Variants in DCBLD2 observed in about 807,000 individuals in gnomAD.
DCBLD2 encodes the protein discoidin, CUB and LCCL domain containing 2.
Under a neutral mutation model 86.8 loss-of-function variants are expected in DCBLD2, and 54 were observed. The ratio of observed to expected loss-of-function variants is 0.62; its 90% confidence interval spans 0.50 to 0.78. The LOEUF is 0.78. DCBLD2 is among the 30% of genes least tolerant of loss of function. The pLI is 0.00. For missense variants in DCBLD2, 908 were observed against 954.2 expected (o/e 0.95, Z 0.64); for synonymous variants, 354 against 341.3 (o/e 1.04, Z -0.41).
At chr3:98,802,469 A>G (rs1296395225) in intron 13 of DCBLD2, among the ~76,000 whole-genome samples, 1 of 151,804 alleles carries the variant, frequency 6.6e-6, no homozygotes, top group Non-Finnish European at 1.5e-5. Context: ...TTGTCAGATG[A>G]GTAGATTGCA....
chr3:98,833,520 A>G (rs773649336), intron 3 of DCBLD2, among the ~76,000 whole-genome samples: 1 of 152,148 alleles, frequency 6.6e-6, no homozygotes, highest in Non-Finnish European at 1.5e-5. Flanking sequence ...GGCCATTTGA[A>G]TTGCTGAAGT....
intron 3 of DCBLD2, among the ~76,000 whole-genome samples, chr3:98,838,183 G>A (rs1333377037): frequency 4.9e-3 from 580 of 119,446 alleles, no homozygotes; most frequent in Non-Finnish European, 8.2e-3. Context: ...GGTGGCTGCC[G>A]GGCGGAGACG....
In DCBLD2 at chr3:98,900,963, T is replaced by C. The variant is rs529815481; in HGVS notation, c.205+159A>G. On this transcript the variant is annotated intron_variant, in intron 1 of 15. Transcript: ENST00000326840. ...ACTTGGGGGACAGACGGGCAAGACC[T>C]TGCCTTTGCAACTCAACCCCGTGAG... is the stretch of plus-strand genomic sequence containing the variant. 6 of 1,298,046 alleles carry C rather than the reference T, an allele frequency of 4.6e-6. No individual in the cohort carries two copies. The African/African-American group carries it at 8.9e-5, about 19-fold the overall frequency. The allele number at this position is 1,298,046 out of a possible 1,614,324, so 80.4% of individuals were successfully genotyped here.
intron 2 of DCBLD2, among the ~76,000 whole-genome samples, chr3:98,869,006 A>G (rs1456753403): frequency 6.6e-6 from 1 of 152,174 alleles, no homozygotes; most frequent in Admixed American, 6.5e-5. Context: ...GCTGAACTGA[A>G]TGGTAGATCT....
rs139338212 is a variant in DCBLD2 at position 98,888,545 on chromosome 3, C to T, written c.206-6778G>A. The stretch of plus-strand genomic sequence containing the variant: ...CAAGCTACCAAGGTTAAGATTTAAA[C>T]GACATACCATACGAAAACAACTGGT... On this transcript the variant is annotated intron_variant, in intron 1 of 15. Coordinates refer to ENST00000326840, the MANE Select transcript of DCBLD2 (RefSeq NM_080927.4). 5.3e-4 allele frequency among the ~76,000 whole-genome samples: 81 copies of T among 152,064 alleles called. No homozygotes were observed. In the East Asian group the frequency reaches 0.011, roughly 21 times the overall value.
At position 98,811,255 on chromosome 3, in the gene DCBLD2, T is replaced by C; in HGVS notation, c.1515A>G (p.Thr505=). 2 of 1,612,974 alleles carry C rather than the reference T, an allele frequency of 1.2e-6. No homozygotes were observed. Among genetic ancestry groups the C allele is most frequent in the Non-Finnish European group, 1.7e-6 (2 of 1,179,460 alleles). ...PRSSNEFPAQ[T]EQTTASPDIR... ...TATCAGGACTGGCAGTTGTTTGTTC[T>C]GTCTGTGCAGGAAATTCATTGCTAC... is the stretch of plus-strand genomic sequence containing the variant. The change falls in exon 12 of 16, where the codon ACA becomes ACG. Residue 505 remains threonine, a synonymous_variant. Coordinates refer to ENST00000326840, the MANE Select transcript of DCBLD2 (RefSeq NM_080927.4).
Position 98,849,479 on chromosome 3 carries a change from A to G in DCBLD2, c.553T>C (p.Ser185Pro). 1 of 1,614,006 alleles carries G rather than the reference A, an allele frequency of 6.2e-7. No homozygotes were observed. The highest frequency in any genetic ancestry group is 1.3e-5 in the African/African-American group (1 of 75,076). The change falls in exon 3 of 16, where the codon TCT (serine) becomes CCT (proline). Residue 185 changes from serine to proline, a missense_variant. Physicochemically the swap from Ser to Pro is moderately conservative, Grantham distance 74 (BLOSUM62 -1). Coordinates refer to ENST00000326840, the MANE Select transcript of DCBLD2 (RefSeq NM_080927.4). ...AAATTACCTTGTTTATCTATAACAG[A>G]GTATGAGGCCAAAAATCCGCGTCCA... is the stretch of plus-strand genomic sequence containing the variant. Reference protein sequence around the residue: ...VSGRGFLASYSVIDKQDLITC... With the variant: ...VSGRGFLASYPVIDKQDLITC...
At chr3:98,881,868 A>G in intron 1 of DCBLD2, 101 bp from the exon 2 acceptor site, 2 of 1,112,378 alleles carry the variant, frequency 1.8e-6, no homozygotes, top group East Asian at 2.5e-5. Context: ...GACATCAAAT[A>G]TTTTATACCA....
intron 1 of DCBLD2, among the ~76,000 whole-genome samples, chr3:98,888,469 T>C (rs1943598044): frequency 6.6e-6 from 1 of 152,028 alleles, no homozygotes; most frequent in Admixed American, 6.6e-5. Context: ...AGGTTACTTA[T>C]TGCTGCTAAA....
intron 12 of DCBLD2, 106 bp downstream of exon 12, chr3:98,811,088 C>T: frequency 7.7e-7 from 1 of 1,292,572 alleles, no homozygotes; most frequent in Non-Finnish European, 1.0e-6. Context: ...TACTTAAAAA[C>T]TATAGTTGGA....
chr3:98,862,630 T>A (rs1380813716), intron 2 of DCBLD2, among the ~76,000 whole-genome samples: 5 of 152,168 alleles, frequency 3.3e-5, no homozygotes, highest in African/African-American at 1.2e-4. Flanking sequence ...ACATTGATTA[T>A]CTCAATAGAT....
intron 3 of DCBLD2, among the ~76,000 whole-genome samples, chr3:98,846,845 C>T (rs1272934620): frequency 1.3e-5 from 2 of 151,624 alleles, no homozygotes; most frequent in African/African-American, 4.9e-5. Context: ...GGCCAAAAAG[C>T]CTCATAATTT....
chr3:98,880,642 TAATC>T lies in DCBLD2; in HGVS notation c.433+894_433+897del, dbSNP rs139422994. ...AGCTATAATTGAGAACCACTGCTCT[TAATC>T]AAGAACAACAACAATGGCCACTACC... On this transcript the variant is annotated intron_variant, in intron 2 of 15. Coordinates refer to ENST00000326840, the MANE Select transcript of DCBLD2 (RefSeq NM_080927.4). Among the ~76,000 whole-genome samples, 26 of 152,314 alleles carry T rather than the reference TAATC, an allele frequency of 1.7e-4. No individual in the cohort carries two copies. The East Asian group carries it at 4.8e-3, about 28-fold the overall frequency.
chr3:98,898,766 C>G (rs1943794291), intron 1 of DCBLD2, among the ~76,000 whole-genome samples: 1 of 152,146 alleles, frequency 6.6e-6, no homozygotes, highest in South Asian at 2.1e-4. Context: ...CCACCACGGG[C>G]TGCTTTAGGG....
intron 3 of DCBLD2, among the ~76,000 whole-genome samples, chr3:98,845,229 GA>G (rs560966250): frequency 1.8e-4 from 27 of 152,108 alleles, no homozygotes; most frequent in Middle Eastern, 3.4e-3. Flanking sequence ...GCAGAGGGGG[GA>G]AAAAGCTTTA....
Position 98,901,124 on chromosome 3 carries a change from T to A in DCBLD2, c.203A>T (p.Gln68Leu). Reference protein sequence around the residue: ...LLLLEDAGAQQGDGCGHTVLG... With the variant: ...LLLLEDAGAQLGDGCGHTVLG... ...CTCACTCCCCTGGGACCACTCACCT[T>A]GCTGGGCTCCAGCGTCCTCGAGCAG... is the stretch of plus-strand genomic sequence containing the variant. Residue 68 changes from glutamine (Q) to leucine (L), a missense_variant and splice_region_variant, in exon 1 of 16, where the codon CAA (glutamine) becomes CTA (leucine). By Grantham distance (113) the Gln-to-Leu change is moderately radical. Coordinates refer to ENST00000326840, the MANE Select transcript of DCBLD2 (RefSeq NM_080927.4). The A allele has an allele frequency of 1.3e-6, 2 of 1,539,668 alleles. No individual in the cohort carries two copies. Among genetic ancestry groups the A allele is most frequent in the Non-Finnish European group, 1.7e-6 (2 of 1,146,714 alleles).
chr3:98,870,753 G>GAAAAGAAAGA (rs764876057), intron 2 of DCBLD2, among the ~76,000 whole-genome samples: 2 of 125,734 alleles, frequency 1.6e-5, no homozygotes, highest in Admixed American at 7.7e-5. Flanking sequence ...AAGAAAGAAA[G>GAAAAGAAAGA]AAAGAAAGAA....
chr3:98,830,554 T>A (rs1320950805), intron 3 of DCBLD2, among the ~76,000 whole-genome samples: 1 of 152,222 alleles, frequency 6.6e-6, no homozygotes, highest in Non-Finnish European at 1.5e-5. Context: ...TGCAGATATG[T>A]GGCCTTATTT....
chr3:98,853,111 C>A (rs1228982737), intron 2 of DCBLD2, among the ~76,000 whole-genome samples: 1 of 152,094 alleles, frequency 6.6e-6, no homozygotes, highest in Non-Finnish European at 1.5e-5. Context: ...AGTGTACAGT[C>A]CAAGAATATT....
Sources: gnomAD v4.1 joint callset for allele counts (sites outside exome capture counted in the v4.1 genomes callset) on GRCh38, gnomAD v4.1.1 for gene constraint, MANE v1.5 for transcripts, NCBI Gene and HGNC (gene_info 2026-07-23, HGNC 2026-07-21) for gene names.